Variants in ADAMTS3 observed in about 807,000 individuals in gnomAD.
The protein encoded by ADAMTS3 is ADAM metallopeptidase with thrombospondin type 1 motif 3, also known as A disintegrin and metalloproteinase with thrombospondin motifs 3.
ADAMTS3 carries 73 observed loss-of-function variants against 129.0 expected under a neutral mutation model. The ratio of observed to expected loss-of-function variants is 0.57; its 90% CI spans 0.47 to 0.69. The LOEUF is 0.69. Among genes scored for constraint, ADAMTS3 ranks in the 30% least tolerant of loss-of-function variants. ADAMTS3 has a pLI of 0.00. For missense variants in ADAMTS3, 1,457 were observed against 1,514.5 expected (o/e 0.96, Z 0.63); for synonymous variants, 477 against 510.8 (o/e 0.93, Z 0.89).
intron 17 of ADAMTS3, among the ~76,000 whole-genome samples, chr4:72,301,735 T>C (rs1718954689): frequency 6.6e-6 from 1 of 151,978 alleles, no homozygotes; most frequent in African/African-American, 2.4e-5. Flanking sequence ...TGGCAATGTA[T>C]GTCATGACAA....
intron 4 of ADAMTS3, among the ~76,000 whole-genome samples, chr4:72,369,755 G>A (rs1720958110): frequency 7.0e-6 from 1 of 142,494 alleles, no homozygotes. Context: ...AACAGACAAA[G>A]TACAAAAAAA....
chr4:72,448,631 C>G (rs1037935253), intron 3 of ADAMTS3, among the ~76,000 whole-genome samples: 1 of 151,594 alleles, frequency 6.6e-6, no homozygotes, highest in African/African-American at 2.4e-5. Context: ...CCAAAAGAAA[C>G]TGTTCTAAAC....
intron 4 of ADAMTS3, among the ~76,000 whole-genome samples, chr4:72,395,548 T>C (rs1233382577): frequency 6.6e-6 from 1 of 152,184 alleles, no homozygotes; most frequent in Non-Finnish European, 1.5e-5. Flanking sequence ...TTATATTTTA[T>C]CCAATAGGGA....
chr4:72,529,700 TTAA>T (rs1243629577), intron 3 of ADAMTS3, among the ~76,000 whole-genome samples: 6 of 120,406 alleles, frequency 5.0e-5, no homozygotes, highest in African/African-American at 6.3e-5. Flanking sequence ...ATAATATATA[TTAA>T]TATTAAATAT....
At chr4:72,433,388 A>G (rs1722743850) in intron 3 of ADAMTS3, among the ~76,000 whole-genome samples, 1 of 151,904 alleles carries the variant, frequency 6.6e-6, no homozygotes, top group South Asian at 2.1e-4. Flanking sequence ...CAAATATGTA[A>G]CATTCTAAAG....
At chr4:72,372,479 G>A (rs1476258186) in intron 4 of ADAMTS3, among the ~76,000 whole-genome samples, 1 of 151,868 alleles carries the variant, frequency 6.6e-6, no homozygotes, top group Non-Finnish European at 1.5e-5. Flanking sequence ...CAAATTCCTT[G>A]AAAACACAGC....
At chr4:72,296,494 C>T (rs192765510) in intron 18 of ADAMTS3, among the ~76,000 whole-genome samples, 2 of 152,054 alleles carry the variant, frequency 1.3e-5, no homozygotes, top group African/African-American at 4.8e-5. Flanking sequence ...TCAAACCTAT[C>T]CAAAAGTTGT....
At chr4:72,425,041 C>T (rs548942320) in intron 3 of ADAMTS3, among the ~76,000 whole-genome samples, 1 of 152,146 alleles carries the variant, frequency 6.6e-6, no homozygotes, top group South Asian at 2.1e-4. Context: ...CAAGCTAAAG[C>T]TACAACAGCA....
At chr4:72,520,877 T>G (rs1720651941) in intron 3 of ADAMTS3, among the ~76,000 whole-genome samples, 1 of 152,092 alleles carries the variant, frequency 6.6e-6, no homozygotes, top group South Asian at 2.1e-4. Context: ...TGGCACTGCC[T>G]AGTGAGATGA....
intron 3 of ADAMTS3, among the ~76,000 whole-genome samples, chr4:72,542,290 G>C (rs188231504): frequency 1.3e-5 from 2 of 151,792 alleles, no homozygotes; most frequent in African/African-American, 4.8e-5. Flanking sequence ...TCAGCCTCCC[G>C]AGTCGCTGGG....
Position 72,328,162 on chromosome 4 carries a change from G to A in ADAMTS3, c.862-5065C>T, listed in dbSNP as rs141729202. Among the ~76,000 whole-genome samples, 3 of 152,322 alleles carry A rather than the reference G, an allele frequency of 2.0e-5. No individual in the cohort carries two copies. In the East Asian group the frequency reaches 5.8e-4, roughly 29 times the overall value. ...ACCATGGGTAGATTTTCTGTGAGGT[G>A]TTCAGGGTTGAGCCTAGAGTCTTTA... On this transcript the variant is annotated intron_variant, in intron 5 of 21. Coordinates refer to ENST00000286657, the MANE Select transcript of ADAMTS3 (RefSeq NM_014243.3).
chr4:72,373,545 G>A lies in ADAMTS3; in HGVS notation c.662-33852C>T, dbSNP rs542919774. Among the ~76,000 whole-genome samples, 91 of 152,194 alleles carry A rather than the reference G, an allele frequency of 6.0e-4. 1 individual carries two copies. In the South Asian group the frequency reaches 8.1e-3, roughly 14 times the overall value. ...AGACACAAAAGATCACATACTACAT[G>A]AATTCATTTATTTAAAGTTAAAAAT... is the stretch of plus-strand genomic sequence containing the variant. On this transcript the variant is annotated intron_variant, in intron 4 of 21. Coordinates refer to ENST00000286657, the MANE Select transcript of ADAMTS3 (RefSeq NM_014243.3).
intron 3 of ADAMTS3, among the ~76,000 whole-genome samples, chr4:72,525,552 C>A (rs1394478924): frequency 6.6e-6 from 1 of 152,074 alleles, no homozygotes; most frequent in East Asian, 1.9e-4. Context: ...TCGCCTCACC[C>A]TCCAAAGAAA....
intron 3 of ADAMTS3, among the ~76,000 whole-genome samples, chr4:72,495,164 T>C (rs1719844458): frequency 6.6e-6 from 1 of 152,110 alleles, no homozygotes; most frequent in African/African-American, 2.4e-5. Context: ...GGTCCAAGGC[T>C]TTGGGGTGTG....
rs138966012 is a variant in ADAMTS3, at chr4:72,405,289, C to T, written c.661+9526G>A. On this transcript the variant is annotated intron_variant, in intron 4 of 21. Transcript: ENST00000286657. ...ACAATATCGAAGATGTGGAAACAAC[C>T]TAAATGTTCACTGATAGATGAATAG... Among the ~76,000 whole-genome samples, 1,321 of 152,062 alleles carry T rather than the reference C, an allele frequency of 8.7e-3. 21 individuals carry two copies. The highest frequency in any genetic ancestry group is 0.031 in the African/African-American group (1,278 of 41,488).
At chr4:72,480,061 A>T (rs1338475931) in intron 3 of ADAMTS3, among the ~76,000 whole-genome samples, 1 of 152,164 alleles carries the variant, frequency 6.6e-6, no homozygotes, top group Non-Finnish European at 1.5e-5. Flanking sequence ...GCTAGAGAGG[A>T]TGTGGAGAAA....
At chr4:72,369,739 A>T (rs1480824237) in intron 4 of ADAMTS3, among the ~76,000 whole-genome samples, 2 of 150,830 alleles carry the variant, frequency 1.3e-5, no homozygotes, top group African/African-American at 2.5e-5. Flanking sequence ...ATGAAAAAAA[A>T]AAATAAACAG....
At chr4:72,373,905 T>G (rs1461818228) in intron 4 of ADAMTS3, among the ~76,000 whole-genome samples, 1 of 518 alleles carries the variant, frequency 1.9e-3, no homozygotes, top group African/African-American at 2.1e-3. Context: ...CTCAAAATAA[T>G]AATAATAATA....
intron 3 of ADAMTS3, among the ~76,000 whole-genome samples, chr4:72,532,772 A>T (rs1578771432): frequency 1.3e-5 from 2 of 152,168 alleles, no homozygotes; most frequent in Non-Finnish European, 2.9e-5. Flanking sequence ...ATATTATAGG[A>T]AACTGTCATA....
Sources: gnomAD v4.1 joint callset for allele counts (sites outside exome capture counted in the v4.1 genomes callset) on GRCh38, gnomAD v4.1.1 for gene constraint, MANE v1.5 for transcripts, NCBI Gene and HGNC (gene_info 2026-07-23, HGNC 2026-07-21) for gene names.